Variants in TMEM132D observed in about 807,000 individuals in gnomAD.
The protein encoded by TMEM132D is mature OL transmembrane protein.
TMEM132D carries 21 observed loss-of-function variants against 62.3 expected under a neutral mutation model. The ratio of observed to expected loss-of-function variants is 0.34; its 90% confidence interval spans 0.24 to 0.49. TMEM132D has a LOEUF of 0.49. TMEM132D is among the 20% of genes least tolerant of loss of function. The probability of loss-of-function intolerance (pLI) is 0.99; values close to 1 mark genes in which losing one functional copy is unlikely to be tolerated. For missense variants in TMEM132D, 1,346 were observed against 1,402.8 expected, an observed-to-expected ratio of 0.96 and a Z score of 0.65; for synonymous variants, 621 against 575.6, an observed-to-expected ratio of 1.08 and a Z score of -1.13.
At chr12:129,668,572 T>C (rs559663834) in intron 2 of TMEM132D, among the ~76,000 whole-genome samples, 1 of 152,222 alleles carries the variant, frequency 6.6e-6, no homozygotes, top group South Asian at 2.1e-4. Flanking sequence ...GCTAAACCTT[T>C]TGTTTTCAGA....
chr12:129,293,743 T>C (rs1250987586), intron 4 of TMEM132D, among the ~76,000 whole-genome samples: 1 of 152,166 alleles, frequency 6.6e-6, no homozygotes, highest in Non-Finnish European at 1.5e-5. Context: ...GAGAATCTAA[T>C]GCTGCCACTG....
rs2135615731 is a variant in TMEM132D, at chr12:129,081,771, C to T, written c.1911G>A (p.Met637Ile). 2 of 1,581,688 alleles carry T rather than the reference C, an allele frequency of 1.3e-6. No individual in the cohort carries two copies. Among genetic ancestry groups the T allele is most frequent in the Non-Finnish European group, 1.7e-6 (2 of 1,166,036 alleles). ...TTTTTTTTTTTACCTGAATGGTGGTCATCCCAAGCTCCTGCCCCATCAGGA... is the reference window on the plus strand; with the variant it reads ...TTTTTTTTTTTACCTGAATGGTGGTTATCCCAAGCTCCTGCCCCATCAGGA... ...GQILMGQELG[M>I]TTIQILSPLS... The change falls in exon 7 of 9, where the codon ATG becomes ATA. Residue 637 changes from methionine (M) to isoleucine (I), a missense_variant. By Grantham distance (10) the Met-to-Ile change is conservative. Transcript: ENST00000422113.
At chr12:129,451,409 T>A (rs1236364355) in intron 3 of TMEM132D, among the ~76,000 whole-genome samples, 2 of 152,202 alleles carry the variant, frequency 1.3e-5, no homozygotes, top group African/African-American at 4.8e-5. Flanking sequence ...AACATTTTGC[T>A]GTATATCTGG....
chr12:129,662,807 A>AG (rs1880274619), intron 2 of TMEM132D, among the ~76,000 whole-genome samples: 5 of 75,886 alleles, frequency 6.6e-5, no homozygotes, highest in Admixed American at 6.1e-4. Flanking sequence ...AAAAAAAAAA[A>AG]AAAAAAGAGA....
At chr12:129,353,413 A>G (rs1869932647) in intron 3 of TMEM132D, among the ~76,000 whole-genome samples, 1 of 152,180 alleles carries the variant, frequency 6.6e-6, no homozygotes, top group South Asian at 2.1e-4. Context: ...TAGGGTCTGA[A>G]GGAACCCAAA....
At chr12:129,172,884 A>C (rs1002012179) in intron 5 of TMEM132D, among the ~76,000 whole-genome samples, 1 of 152,118 alleles carries the variant, frequency 6.6e-6, no homozygotes, top group African/African-American at 2.4e-5. Flanking sequence ...GCCTGGCCTC[A>C]TTTCAATATT....
At chr12:129,353,671 T>C (rs1869945778) in intron 3 of TMEM132D, among the ~76,000 whole-genome samples, 1 of 152,210 alleles carries the variant, frequency 6.6e-6, no homozygotes, top group African/African-American at 2.4e-5. Context: ...GGAAGCATTC[T>C]GGGAATGGGA....
intron 1 of TMEM132D, among the ~76,000 whole-genome samples, chr12:129,837,803 G>A (rs541692641): frequency 3.3e-5 from 5 of 152,162 alleles, no homozygotes; most frequent in South Asian, 2.1e-4. Context: ...CTGCCTCTCC[G>A]GAGCCCACGA....
intron 4 of TMEM132D, among the ~76,000 whole-genome samples, chr12:129,285,950 C>T (rs901085257): frequency 3.3e-5 from 5 of 152,158 alleles, no homozygotes; most frequent in African/African-American, 9.7e-5. Flanking sequence ...TTCTCACAGC[C>T]TCACATTTCT....
chr12:129,784,748 C>A (rs1437052699), intron 1 of TMEM132D, among the ~76,000 whole-genome samples: 1 of 152,136 alleles, frequency 6.6e-6, no homozygotes, highest in East Asian at 1.9e-4. Context: ...TCTGACCTTC[C>A]CAGTCTTCTG....
intron 3 of TMEM132D, chr12:129,522,613 G>A (rs935475249): frequency 6.6e-6 from 1 of 152,042 alleles, no homozygotes; most frequent in Non-Finnish European, 1.5e-5. Flanking sequence ...AGTCATCAAA[G>A]GAAATGGCTG....
chr12:129,894,519 A>G (rs1373940945), intron 1 of TMEM132D, among the ~76,000 whole-genome samples: 2 of 152,228 alleles, frequency 1.3e-5, no homozygotes, highest in Non-Finnish European at 2.9e-5. Context: ...ATCTAAAATC[A>G]GCACAACTCT....
intron 4 of TMEM132D, among the ~76,000 whole-genome samples, chr12:129,244,476 A>C (rs892600504): frequency 7.1e-6 from 1 of 141,084 alleles, no homozygotes; most frequent in Non-Finnish European, 1.6e-5. Flanking sequence ...CCTACGGTGC[A>C]TAGACAATGC....
At chr12:129,631,992 G>T (rs1020740423) in intron 2 of TMEM132D, among the ~76,000 whole-genome samples, 1 of 152,092 alleles carries the variant, frequency 6.6e-6, no homozygotes, top group African/African-American at 2.4e-5. Flanking sequence ...ATAAGTAAAG[G>T]CAAAAGGGAA....
At chr12:129,583,798 G>A (rs1173175352) in intron 2 of TMEM132D, among the ~76,000 whole-genome samples, 1 of 152,198 alleles carries the variant, frequency 6.6e-6, no homozygotes, top group African/African-American at 2.4e-5. Flanking sequence ...GGAAAAGGAT[G>A]TAGCAGCTTC....
At chr12:129,673,450 C>A (rs1244688077) in intron 2 of TMEM132D, among the ~76,000 whole-genome samples, 3 of 152,278 alleles carry the variant, frequency 2.0e-5, no homozygotes, top group African/African-American at 7.2e-5. Flanking sequence ...AAACTTTTTA[C>A]ATTTTGAGAA....
intron 4 of TMEM132D, among the ~76,000 whole-genome samples, chr12:129,317,851 T>G (rs1288301406): frequency 6.6e-6 from 1 of 152,206 alleles, no homozygotes; most frequent in Non-Finnish European, 1.5e-5. Flanking sequence ...TTATTATTTT[T>G]TCTTTGTCTT....
At chr12:129,083,438 T>G (rs1022460602) in intron 6 of TMEM132D, among the ~76,000 whole-genome samples, 5 of 152,170 alleles carry the variant, frequency 3.3e-5, no homozygotes, top group African/African-American at 1.2e-4. Flanking sequence ...TGGGGAATCT[T>G]CCCCTACAGT....
intron 4 of TMEM132D, among the ~76,000 whole-genome samples, chr12:129,250,251 T>C (rs1231147961): frequency 3.3e-5 from 5 of 152,194 alleles, no homozygotes; most frequent in African/African-American, 1.2e-4. Flanking sequence ...GGCAAAGGAA[T>C]TCATGGCTAA....
Sources: gnomAD v4.1 joint callset for allele counts (sites outside exome capture counted in the v4.1 genomes callset) on GRCh38, gnomAD v4.1.1 for gene constraint, MANE v1.5 for transcripts, NCBI Gene and HGNC (gene_info 2026-07-23, HGNC 2026-07-21) for gene names.